BAZ1A: variants seen among roughly 807,000 people sequenced by gnomAD.
BAZ1A encodes bromodomain adjacent to zinc finger domain 1A.
In BAZ1A, 50 loss-of-function variants were observed where a neutral mutation model predicts 185.2. The ratio of observed to expected loss-of-function variants is 0.27; its 90% CI spans 0.22 to 0.34. The LOEUF is 0.34. Among genes scored for constraint, BAZ1A ranks in the 10% least tolerant of loss-of-function variants. The pLI, the probability that BAZ1A is intolerant of heterozygous loss-of-function variation, is 1.00. For synonymous variants in BAZ1A, 571 were observed against 615.6 expected, an observed-to-expected ratio of 0.93 and a Z score of 1.07; for missense variants, 1,356 against 1,839.9, an observed-to-expected ratio of 0.74 and a Z score of 4.81.
At chr14:34,801,332 C>T in intron 7 of BAZ1A, 139 bp from the exon 8 acceptor site, 6 of 637,066 alleles carry the variant, frequency 9.4e-6, no homozygotes, top group South Asian at 1.9e-5. Context: ...CGCTCTATCC[C>T]CCAGGCTGGA....
intron 3 of BAZ1A, among the ~76,000 whole-genome samples, chr14:34,847,919 G>A (rs559127499): frequency 6.6e-6 from 1 of 152,172 alleles, no homozygotes; most frequent in South Asian, 2.1e-4. Context: ...CAGTGCAGTG[G>A]CACAATCTTG....
At chr14:34,847,217 G>A (rs1009975213) in intron 3 of BAZ1A, among the ~76,000 whole-genome samples, 10 of 149,864 alleles carry the variant, frequency 6.7e-5, no homozygotes, top group African/African-American at 1.7e-4. Context: ...CAGACTGGGT[G>A]ACAGAGCGAG....
At position 34,753,637 on chromosome 14, in the gene BAZ1A, A is replaced by C; in HGVS notation, c.4542T>G (p.Ser1514Arg). 1.2e-6 allele frequency: 2 copies of C among 1,613,966 alleles called. No individual in the cohort carries two copies. The highest frequency in any genetic ancestry group is 1.7e-6 in the Non-Finnish European group (2 of 1,179,864). Residue 1514 changes from serine to arginine, a missense_variant, in exon 27 of 27, where the codon AGT becomes AGG. This residue lies in a region of BAZ1A where 61 missense variants were observed against 117.9 expected (regional missense o/e 0.52). Transcript: ENST00000360310. The part of the protein sequence containing the change: ...NCFEYNPRNT[S>R]EAKAGTRLQA... Reference sequence around the variant, plus strand: ...GAAGCCTAGTTCCAGCTTTTGCTTCACTTGTGTTACGAGGGTTGTATTCAA... The same window carrying C: ...GAAGCCTAGTTCCAGCTTTTGCTTCCCTTGTGTTACGAGGGTTGTATTCAA...
At chr14:34,858,190 G>A (rs901818794) in intron 3 of BAZ1A, among the ~76,000 whole-genome samples, 5 of 152,134 alleles carry the variant, frequency 3.3e-5, no homozygotes, top group East Asian at 1.9e-4. Flanking sequence ...ATGTTGAGGC[G>A]ATGACTGAAC....
At chr14:34,768,701 C>T (rs1476879496) in intron 21 of BAZ1A, 1 of 411,522 alleles carries the variant, frequency 2.4e-6, no homozygotes, top group South Asian at 1.8e-5. Flanking sequence ...ATCTCTCACA[C>T]TAGATAGATC....
chr14:34,800,118 A>G, intron 9 of BAZ1A, 106 bp downstream of exon 9: 3 of 1,106,740 alleles, frequency 2.7e-6, no homozygotes, highest in South Asian at 4.9e-5. Flanking sequence ...ACATTCATAA[A>G]TGTGAATGAA....
intron 12 of BAZ1A, among the ~76,000 whole-genome samples, chr14:34,788,109 C>T (rs1880604450): frequency 6.7e-6 from 1 of 150,114 alleles, no homozygotes; most frequent in Non-Finnish European, 1.5e-5. Context: ...ACCTCCGCCT[C>T]CCAGGTTTAA....
At chr14:34,837,799 C>A (rs1418984110) in intron 3 of BAZ1A, among the ~76,000 whole-genome samples, 1 of 152,072 alleles carries the variant, frequency 6.6e-6, no homozygotes, top group Non-Finnish European at 1.5e-5. Context: ...AGCTTTGTGC[C>A]GTCCAGCCTA....
chr14:34,830,300 A>C (rs1225180880), intron 3 of BAZ1A, among the ~76,000 whole-genome samples: 3 of 146,936 alleles, frequency 2.0e-5, no homozygotes, highest in South Asian at 4.3e-4. Context: ...ATTATCCAGC[A>C]AAAAAAAAAA....
At chr14:34,816,847 C>T in intron 4 of BAZ1A, 1 of 450,260 alleles carries the variant, frequency 2.2e-6, no homozygotes, top group Non-Finnish European at 4.5e-6. Flanking sequence ...TGGCTGTTAA[C>T]AGGGGAAACC....
intron 3 of BAZ1A, among the ~76,000 whole-genome samples, chr14:34,831,817 T>C (rs1269584117): frequency 6.6e-6 from 1 of 151,850 alleles, no homozygotes; most frequent in East Asian, 1.9e-4. Context: ...TTTTAAAAAA[T>C]TGAAGGAAAA....
chr14:34,797,812 G>A (rs1881279054), intron 9 of BAZ1A, among the ~76,000 whole-genome samples: 1 of 152,216 alleles, frequency 6.6e-6, no homozygotes, highest in Admixed American at 6.5e-5. Context: ...TGGTGCCCAT[G>A]GAGGGCGAGC....
intron 3 of BAZ1A, among the ~76,000 whole-genome samples, chr14:34,848,501 G>A (rs1018371471): frequency 3.3e-5 from 5 of 152,160 alleles, no homozygotes; most frequent in African/African-American, 1.2e-4. Context: ...TACTCAGGAG[G>A]CTGAGGCAGG....
chr14:34,833,752 T>C (rs2042287067), intron 3 of BAZ1A, among the ~76,000 whole-genome samples: 1 of 152,068 alleles, frequency 6.6e-6, no homozygotes. Flanking sequence ...GATGAAAAAG[T>C]TCTGGAAATA....
Position 34,800,414 on chromosome 14 carries a change from A to G in BAZ1A, c.962-24T>C, listed in dbSNP as rs543051628. ...AGCTGTGAAGAAAAATCAAACTTAG[A>G]ACTATATATATAGACAAAATAACAC... On this transcript the variant is annotated intron_variant, in intron 8 of 26. Transcript: ENST00000360310. 15 of 1,504,112 alleles carry G rather than the reference A, an allele frequency of 1.0e-5. No homozygotes were observed. In the East Asian group the frequency reaches 3.1e-4, roughly 31 times the overall value. 93.2% of individuals were successfully genotyped at this position (1,504,112 alleles called of 1,614,324 possible).
Position 34,762,033 on chromosome 14 carries a change from G to C in BAZ1A, c.3967C>G (p.Pro1323Ala). The part of the protein sequence containing the change: ...RSLRKINSAP[P>A]TETKSLRIAS... ...ATTCTTAAAGATTTTGTTTCTGTAG[G>C]AGGAGCAGAGTTTATCTTTCTTAGG... is the stretch of plus-strand genomic sequence containing the variant. Residue 1323 changes from proline to alanine, a missense_variant, in exon 24 of 27, where the codon CCT becomes GCT. Physicochemically the swap from Pro to Ala is conservative, Grantham distance 27. Coordinates refer to ENST00000360310, the MANE Select transcript of BAZ1A (RefSeq NM_013448.3). 1 of 1,614,192 alleles carries C rather than the reference G, an allele frequency of 6.2e-7. No homozygotes were observed. Among genetic ancestry groups the C allele is most frequent in the Non-Finnish European group, 8.5e-7 (1 of 1,180,046 alleles).
At chr14:34,858,001 A>G (rs2042708904) in intron 3 of BAZ1A, among the ~76,000 whole-genome samples, 1 of 152,224 alleles carries the variant, frequency 6.6e-6, no homozygotes, top group Admixed American at 6.5e-5. Context: ...TTCAACAAAT[A>G]CCTGCTCTGC....
intron 3 of BAZ1A, among the ~76,000 whole-genome samples, chr14:34,853,375 T>C (rs569999093): frequency 2.0e-5 from 3 of 152,290 alleles, no homozygotes; most frequent in East Asian, 1.9e-4. Flanking sequence ...TACTACTCTG[T>C]CACAACAATA....
chr14:34,874,538 C>T lies in BAZ1A; in HGVS notation c.67G>A (p.Glu23Lys). 3.1e-6 allele frequency: 5 copies of T among 1,611,872 alleles called. No homozygotes were observed. The highest frequency in any genetic ancestry group is 4.2e-6 in the Non-Finnish European group (5 of 1,179,036). The change falls in exon 2 of 27, where the codon GAA becomes AAA. Residue 23 changes from glutamate (E) to lysine (K), a missense_variant. This residue lies in a region of BAZ1A where 332 missense variants were observed against 395.3 expected (regional missense o/e 0.84). Coordinates refer to ENST00000360310, the MANE Select transcript of BAZ1A (RefSeq NM_013448.3). This position sits in a 1 kb window ranked among gnomAD's most constrained non-coding sequence, Gnocchi z 4.7. ...TTGGTGACTTTACAGTAGAAAACTT[C>T]CTCGTCGGGCCGCAGGTCCGCGGGC... Reference protein sequence around the residue: ...KPPADLRPDEEVFYCKVTNEI... With the variant: ...KPPADLRPDEKVFYCKVTNEI...
Sources: allele counts gnomAD v4.1 joint callset (sites outside exome capture counted in the v4.1 genomes callset), GRCh38; gene constraint gnomAD v4.1.1; regional missense constraint gnomAD v4.1.1; non-coding constraint Gnocchi (gnomAD v3.1); transcripts MANE v1.5; gene names NCBI Gene and HGNC (gene_info 2026-07-23, HGNC 2026-07-21).